RFX2: variants seen among roughly 807,000 people sequenced by gnomAD.
RFX2 encodes the protein DNA-binding protein RFX2.
RFX2 carries 20 observed loss-of-function variants against 87.8 expected under a neutral mutation model. The ratio of observed to expected loss-of-function variants is 0.23; its 90% CI spans 0.16 to 0.33. RFX2 has a LOEUF of 0.33. Among genes scored for constraint, RFX2 ranks in the 10% least tolerant of loss-of-function variants. The pLI is 1.00. For synonymous variants in RFX2, 397 were observed against 431.3 expected (o/e 0.92, Z 0.98); for missense variants, 767 against 1,012.3 (o/e 0.76, Z 3.29).
rs1328916489 is a variant in RFX2 at position 6,039,471 on chromosome 19, A to G, written c.522+509T>C. ...TAATTTAAGAAGGAAAATAAATGAA[A>G]AGTAAACACGGGTAATCGAGTTTTA... On this transcript the variant is annotated intron_variant, in intron 5 of 17. Transcript: ENST00000303657. The surrounding 1 kb of genome is among the most constrained non-coding windows in gnomAD (Gnocchi z 5.2). Among the ~76,000 whole-genome samples the G allele has an allele frequency of 1.3e-5, 2 of 152,244 alleles. No individual in the cohort carries two copies. The highest frequency in any genetic ancestry group is 2.9e-5 in the Non-Finnish European group (2 of 68,038).
intron 1 of RFX2, among the ~76,000 whole-genome samples, chr19:6,072,638 G>A (rs924689037): frequency 2.0e-5 from 3 of 152,156 alleles, no homozygotes; most frequent in Non-Finnish European, 4.4e-5. Flanking sequence ...CCAGGAGGTG[G>A]AGGATGCAGT....
At position 5,999,684 on chromosome 19, in the gene RFX2, T is replaced by C. The variant is rs1420078515; in HGVS notation, c.1859+2131A>G. Among the ~76,000 whole-genome samples the C allele has an allele frequency of 2.0e-5, 3 of 152,130 alleles. No individual in the cohort carries two copies. Among genetic ancestry groups the C allele is most frequent in the Admixed American group, 2.0e-4 (3 of 15,272 alleles). On this transcript the variant is annotated intron_variant, in intron 15 of 17. Coordinates refer to ENST00000303657, the MANE Select transcript of RFX2 (RefSeq NM_000635.4). The surrounding 1 kb of genome is among the most constrained non-coding windows in gnomAD (Gnocchi z 4.1). ...GGCACTCGGGTAGCGTGCCTGATCA[T>C]GCAGGAGACAGACAACAGACAAGTG... is the stretch of plus-strand genomic sequence containing the variant.
Position 6,056,366 on chromosome 19 carries a change from A to G in RFX2, c.-8-8862T>C, listed in dbSNP as rs551680742. ...TTGAAATTTCCATGATAAGGAGTTA[A>G]ACAAACACACACACAAGACACCAGC... is the stretch of plus-strand genomic sequence containing the variant. On this transcript the variant is annotated intron_variant, in intron 1 of 17. Transcript: ENST00000303657. This position sits in a 1 kb window ranked among gnomAD's most constrained non-coding sequence, Gnocchi z 4.6. Among the ~76,000 whole-genome samples the G allele has an allele frequency of 2.0e-5, 3 of 152,284 alleles. No individual in the cohort carries two copies. The South Asian group carries it at 6.2e-4, about 32-fold the overall frequency.
At position 6,004,917 on chromosome 19, in the gene RFX2, G is replaced by C. The variant is rs554418668; in HGVS notation, c.1403-619C>G. On this transcript the variant is annotated intron_variant, in intron 12 of 17. Transcript: ENST00000303657. The surrounding 1 kb of genome is among the most constrained non-coding windows in gnomAD (Gnocchi z 4.8). ...GCGGATCACCTGAGGTCCGGAGTTCGAGACCAGCCTGGCCAACATGGTGAA... is the reference window on the plus strand; with the variant it reads ...GCGGATCACCTGAGGTCCGGAGTTCCAGACCAGCCTGGCCAACATGGTGAA... Among the ~76,000 whole-genome samples the C allele has an allele frequency of 1.3e-5, 2 of 151,944 alleles. No individual in the cohort carries two copies. The highest frequency in any genetic ancestry group is 4.8e-5 in the African/African-American group (2 of 41,368).
chr19:6,036,047 T>C (rs2144754356), intron 5 of RFX2, among the ~76,000 whole-genome samples: 1 of 152,298 alleles, frequency 6.6e-6, no homozygotes, highest in East Asian at 1.9e-4. Context: ...ACATGATTGT[T>C]TCTCAGTAAA....
chr19:6,087,352 G>A (rs1284658620), intron 1 of RFX2, among the ~76,000 whole-genome samples: 1 of 152,188 alleles, frequency 6.6e-6, no homozygotes, highest in East Asian at 1.9e-4. Context: ...AATTGGCTCT[G>A]CTTTCAAAGA....
At chr19:6,037,176 C>T (rs538873351) in intron 5 of RFX2, among the ~76,000 whole-genome samples, 6 of 151,398 alleles carry the variant, frequency 4.0e-5, no homozygotes, top group Non-Finnish European at 7.4e-5. Context: ...CCCAGCTACT[C>T]GGGAGGCTGA....
chr19:6,028,865 A>C lies in RFX2; in HGVS notation c.523-2628T>G, dbSNP rs192197165. ...TGAGGCATGTGGATTGCTTGAGGCC[A>C]GGAGTTCAAGACCAGCCTGGCTAAC... is the stretch of plus-strand genomic sequence containing the variant. On this transcript the variant is annotated intron_variant, in intron 5 of 17. Transcript: ENST00000303657. Among the ~76,000 whole-genome samples the C allele has an allele frequency of 3.9e-3, 595 of 152,284 alleles. 6 individuals are homozygous for C. Among genetic ancestry groups the C allele is most frequent in the Non-Finnish European group, 5.8e-3 (397 of 68,024 alleles).
rs2144660773 is a variant in RFX2 at position 5,997,535 on chromosome 19, G to A, written c.1860-322C>T. Among the ~76,000 whole-genome samples the A allele has an allele frequency of 6.6e-6, 1 of 152,350 alleles. No individual in the cohort carries two copies. The highest frequency in any genetic ancestry group is 1.5e-5 in the Non-Finnish European group (1 of 68,028). On this transcript the variant is annotated intron_variant, in intron 15 of 17. Coordinates refer to ENST00000303657, the MANE Select transcript of RFX2 (RefSeq NM_000635.4). This position sits in a 1 kb window ranked among gnomAD's most constrained non-coding sequence, Gnocchi z 4.2. ...TGGTGCTAGCGCAGGCGCTAGATGG[G>A]ATCTTAGCTGGTGAGTCTTTCTAGT...
rs60431255 is a variant in RFX2 at position 5,999,984 on chromosome 19, A to ATTT, written c.1859+1828_1859+1830dup. 7.0e-6 allele frequency among the ~76,000 whole-genome samples: 1 copy of ATTT among 142,028 alleles called. No individual in the cohort carries two copies. Among genetic ancestry groups the ATTT allele is most frequent in the African/African-American group, 2.6e-5 (1 of 38,788 alleles). The allele number at this position is 142,028 out of a possible 152,430, so 93.2% of individuals were successfully genotyped here. A position where few individuals can be genotyped will look rare whatever the true frequency, so the allele number is the denominator to read the frequency against. On this transcript the variant is annotated intron_variant, in intron 15 of 17. Transcript: ENST00000303657. The surrounding 1 kb of genome is among the most constrained non-coding windows in gnomAD (Gnocchi z 4.1). ...CTGAGGGGTCAGCAAACTTGTTCTT[A>ATTT]TTTTTTTTTTTTTTCTTGAGATGGA... is the stretch of plus-strand genomic sequence containing the variant.
rs969815689 is a variant in RFX2 at position 6,020,557 on chromosome 19, C to A, written c.598-4286G>T. On this transcript the variant is annotated intron_variant, in intron 6 of 17. Coordinates refer to ENST00000303657, the MANE Select transcript of RFX2 (RefSeq NM_000635.4). This position sits in a 1 kb window ranked among gnomAD's most constrained non-coding sequence, Gnocchi z 5.3. ...GGCTGGGAGCCACTTATGCACCGGG[C>A]CTTCCCATCCCTCGGTGCTGGAGCC... Among the ~76,000 whole-genome samples, 1 of 152,220 alleles carries A rather than the reference C, an allele frequency of 6.6e-6. No homozygotes were observed. The highest frequency in any genetic ancestry group is 1.5e-5 in the Non-Finnish European group (1 of 68,046).
rs554958878 is a variant in RFX2, at chr19:6,110,220, A to T, written c.-9+173T>A. ...TGGGGACGTCGCCAGGGTCCCCCCA[A>T]ACTCCGCCGCGCGCGCGGACGGGGT... is the stretch of plus-strand genomic sequence containing the variant. On this transcript the variant is annotated intron_variant, in intron 1 of 17. Coordinates refer to ENST00000303657, the MANE Select transcript of RFX2 (RefSeq NM_000635.4). The surrounding 1 kb of genome is among the most constrained non-coding windows in gnomAD (Gnocchi z 4.3). Among the ~76,000 whole-genome samples, 166 of 95,248 alleles carry T rather than the reference A, an allele frequency of 1.7e-3. 1 individual carries two copies. Among genetic ancestry groups the T allele is most frequent in the South Asian group, 0.011 (29 of 2,578 alleles). The allele number at this position is 95,248 out of a possible 152,430, so 62.5% of individuals were successfully genotyped here. A position where few individuals can be genotyped will look rare whatever the true frequency, so the allele number is the denominator to read the frequency against.
At chr19:6,106,268 C>CATCT (rs1269741884) in intron 1 of RFX2, among the ~76,000 whole-genome samples, 1 of 151,986 alleles carries the variant, frequency 6.6e-6, no homozygotes, top group African/African-American at 2.4e-5. Flanking sequence ...TCCATCCATC[C>CATCT]AACAAAATAA....
At chr19:6,041,042 T>C (rs1306307189) in intron 4 of RFX2, among the ~76,000 whole-genome samples, 1 of 152,222 alleles carries the variant, frequency 6.6e-6, no homozygotes, top group Non-Finnish European at 1.5e-5. Flanking sequence ...GTTAACAGTT[T>C]TACCCCAATG....
chr19:6,033,729 C>G (rs1364902128), intron 5 of RFX2, among the ~76,000 whole-genome samples: 1 of 149,136 alleles, frequency 6.7e-6, no homozygotes, highest in South Asian at 2.1e-4. Flanking sequence ...CTAATGTGAA[C>G]GGGACTGTAG....
chr19:6,106,141 A>G lies in RFX2; in HGVS notation c.-9+4252T>C, dbSNP rs143465458. 4.2e-3 allele frequency among the ~76,000 whole-genome samples: 632 copies of G among 152,138 alleles called. 1 individual carries two copies. The highest frequency in any genetic ancestry group is 6.1e-3 in the Non-Finnish European group (413 of 68,002). On this transcript the variant is annotated intron_variant, in intron 1 of 17. Transcript: ENST00000303657. ...TCCCCTATATTTTTTTTCCTGGGAG[A>G]ATCCTTTTGCTGATCTTAGAGTTTC... is the stretch of plus-strand genomic sequence containing the variant.
chr19:5,996,530 G>A (rs1194811475), intron 16 of RFX2, among the ~76,000 whole-genome samples: 3 of 152,266 alleles, frequency 2.0e-5, no homozygotes, highest in Non-Finnish European at 2.9e-5. Context: ...AGGGGGCTGC[G>A]TGGGTGCTGT....
At chr19:6,080,373 C>G (rs2087762509) in intron 1 of RFX2, among the ~76,000 whole-genome samples, 1 of 152,116 alleles carries the variant, frequency 6.6e-6, no homozygotes, top group Admixed American at 6.5e-5. Context: ...AAAACGTGAG[C>G]CACGACACCC....
rs1201109733 is a variant in RFX2 at position 6,063,891 on chromosome 19, C to A, written c.-8-16387G>T. ...CCAGTGTCCCCTGGGGGCAGGACCA[C>A]CCCCATGGAGAACCACACGTCTAAG... On this transcript the variant is annotated intron_variant, in intron 1 of 17. Coordinates refer to ENST00000303657, the MANE Select transcript of RFX2 (RefSeq NM_000635.4). This position sits in a 1 kb window ranked among gnomAD's most constrained non-coding sequence, Gnocchi z 4.0. Among the ~76,000 whole-genome samples, 1 of 152,182 alleles carries A rather than the reference C, an allele frequency of 6.6e-6. No homozygotes were observed. The highest frequency in any genetic ancestry group is 1.9e-4 in the East Asian group (1 of 5,178).
Sources: gnomAD v4.1 joint callset for allele counts (sites outside exome capture counted in the v4.1 genomes callset) on GRCh38, gnomAD v4.1.1 for gene constraint, Gnocchi (gnomAD v3.1) non-coding constraint, MANE v1.5 for transcripts, NCBI Gene and HGNC (gene_info 2026-07-23, HGNC 2026-07-21) for gene names.